SGO2: variants seen among roughly 807,000 people sequenced by gnomAD.
SGO2 encodes the protein shugoshin 2.
Under a neutral mutation model 99.5 loss-of-function variants are expected in SGO2, and 68 were observed. The observed-to-expected ratio is 0.68, with a 90% CI of 0.56 to 0.84. The LOEUF is 0.84. Among genes scored for constraint, SGO2 ranks in the 40% least tolerant of loss-of-function variants. The pLI, the probability that SGO2 is intolerant of heterozygous loss-of-function variation, is 0.00. For missense variants in SGO2, 1,350 were observed against 1,436.7 expected, an observed-to-expected ratio of 0.94 and a Z score of 0.97; for synonymous variants, 457 against 487.1, an observed-to-expected ratio of 0.94 and a Z score of 0.81.
At position 200,571,541 on chromosome 2, in the gene SGO2, A is replaced by G. The variant is rs746889452; in HGVS notation, c.1195A>G (p.Arg399Gly). Residue 399 changes from arginine (R) to glycine (G), a missense_variant, in exon 7 of 9, where the codon AGA (arginine) becomes GGA (glycine). Coordinates refer to ENST00000357799, the MANE Select transcript of SGO2 (RefSeq NM_152524.6). ...AAATGAACATGGAATGAAAACTTTC[A>G]GAAAAGTGAAAGATTCCAGCTCTGA... ...KTNEHGMKTF[R>G]KVKDSSSEKK... 17 of 1,612,548 alleles carry G rather than the reference A, an allele frequency of 1.1e-5. No homozygotes were observed. The highest frequency in any genetic ancestry group is 2.7e-5 in the African/African-American group (2 of 74,784).
chr2:200,542,803 G>A (rs2032025414), intron 5 of SGO2, 139 bp downstream of exon 5: 1 of 616,774 alleles, frequency 1.6e-6, no homozygotes, highest in Non-Finnish European at 2.6e-6. Context: ...GGTTTGTAGT[G>A]TCTTGCTATA....
chr2:200,572,747 G>A lies in SGO2; in HGVS notation c.2401G>A (p.Asp801Asn), dbSNP rs1429551334. ...GHDMQPACQN[D>N]SKIGKKPRLN... Reference sequence around the variant, plus strand: ...TGATATGCAACCTGCTTGTCAAAATGATTCAAAAATAGGTAAGAAGCCTAG... The same window carrying A: ...TGATATGCAACCTGCTTGTCAAAATAATTCAAAAATAGGTAAGAAGCCTAG... The change falls in exon 7 of 9, where the codon GAT (aspartate) becomes AAT (asparagine). Residue 801 changes from aspartate to asparagine, a missense_variant. By Grantham distance (23) the Asp-to-Asn change is conservative (BLOSUM62 1). Coordinates refer to ENST00000357799, the MANE Select transcript of SGO2 (RefSeq NM_152524.6). 6.2e-7 allele frequency: 1 copy of A among 1,612,608 alleles called. No homozygotes were observed. The highest frequency in any genetic ancestry group is 1.3e-5 in the African/African-American group (1 of 74,814).
At chr2:200,564,010 G>C (rs2033085499) in intron 5 of SGO2, among the ~76,000 whole-genome samples, 1 of 152,114 alleles carries the variant, frequency 6.6e-6, no homozygotes, top group African/African-American at 2.4e-5. Flanking sequence ...AAAAAAACCA[G>C]CTCCTGGATT....
chr2:200,579,701 T>C (rs1170445256), intron 8 of SGO2, among the ~76,000 whole-genome samples: 2 of 152,196 alleles, frequency 1.3e-5, no homozygotes, highest in Non-Finnish European at 2.9e-5. Flanking sequence ...TTTCCTGGAA[T>C]AAATCTCACT....
intron 5 of SGO2, among the ~76,000 whole-genome samples, chr2:200,562,600 A>G (rs992560103): frequency 3.9e-5 from 6 of 152,170 alleles, no homozygotes; most frequent in Admixed American, 1.3e-4. Flanking sequence ...GAAGGAAGTC[A>G]TTGGTAGCTT....
chr2:200,545,919 C>T (rs1409166423), intron 5 of SGO2, among the ~76,000 whole-genome samples: 1 of 152,162 alleles, frequency 6.6e-6, no homozygotes, highest in African/African-American at 2.4e-5. Context: ...GCTGGACTAC[C>T]ATCCCCAGCC....
Position 200,572,800 on chromosome 2 carries a change from A to G in SGO2, c.2454A>G (p.Ile818Met). ...PRLNVCQKSEIIPETNQIYEN... is the reference protein window; with the variant it reads ...PRLNVCQKSEMIPETNQIYEN... ...TAAATGTATGTCAAAAGTCAGAAATAATTCCTGAAACCAACCAAATATATG... is the reference window on the plus strand; with the variant it reads ...TAAATGTATGTCAAAAGTCAGAAATGATTCCTGAAACCAACCAAATATATG... Residue 818 changes from isoleucine to methionine, a missense_variant, in exon 7 of 9, where the codon ATA (isoleucine) becomes ATG (methionine). Transcript: ENST00000357799. The G allele has an allele frequency of 6.2e-7, 1 of 1,612,572 alleles. No homozygotes were observed. The highest frequency in any genetic ancestry group is 8.5e-7 in the Non-Finnish European group (1 of 1,179,274).
Position 200,569,422 on chromosome 2 carries a change from A to G in SGO2, c.474-241A>G, listed in dbSNP as rs534762653. Among the ~76,000 whole-genome samples, 14 of 152,232 alleles carry G rather than the reference A, an allele frequency of 9.2e-5. No homozygotes were observed. The South Asian group carries it at 2.9e-3, about 31-fold the overall frequency. On this transcript the variant is annotated intron_variant, in intron 5 of 8. Transcript: ENST00000357799. ...TTCTAATAGCACAAGAAGTAAATAT[A>G]TAAATTATCTTCTTTTGGGGCCACT...
intron 5 of SGO2, among the ~76,000 whole-genome samples, chr2:200,565,636 G>A (rs1243852987): frequency 6.6e-6 from 1 of 152,152 alleles, no homozygotes; most frequent in African/African-American, 2.4e-5. Context: ...AAGTTTTCCT[G>A]GATAATATCC....
intron 5 of SGO2, among the ~76,000 whole-genome samples, chr2:200,553,904 T>G (rs2032597673): frequency 6.6e-6 from 1 of 152,158 alleles, no homozygotes; most frequent in Admixed American, 6.6e-5. Context: ...TCAAGAAACC[T>G]GTACAGGGAT....
intron 1 of SGO2, chr2:200,532,432 C>T (rs1376576756): frequency 7.1e-6 from 7 of 985,004 alleles, no homozygotes; most frequent in Non-Finnish European, 8.4e-6. Context: ...TGCCCAGTCA[C>T]AGTTAATCGC....
At chr2:200,527,109 C>A (rs1056992732) in intron 1 of SGO2, among the ~76,000 whole-genome samples, 6 of 152,156 alleles carry the variant, frequency 3.9e-5, no homozygotes, top group Non-Finnish European at 8.8e-5. Context: ...TGGAACAGTA[C>A]CCCAAATGCC....
Position 200,571,438 on chromosome 2 carries a change from CATGG to C in SGO2, c.1095_1098del (p.Met365IlefsTer2). On this transcript the variant is annotated frameshift_variant, in exon 7 of 9. Transcript: ENST00000357799. LOFTEE classifies it high-confidence loss of function. ...TGCAGAAAACTGTGTATGATGCTGA[CATGG>C]ATTTAACTGCTAGTGAAGTCAGCAA... is the stretch of plus-strand genomic sequence containing the variant. 6.2e-7 allele frequency: 1 copy of C among 1,610,682 alleles called. No individual in the cohort carries two copies. Among genetic ancestry groups the C allele is most frequent in the Non-Finnish European group, 8.5e-7 (1 of 1,178,342 alleles).
chr2:200,545,507 G>T (rs1394428836), intron 5 of SGO2, among the ~76,000 whole-genome samples: 1 of 152,008 alleles, frequency 6.6e-6, no homozygotes, highest in African/African-American at 2.4e-5. Context: ...AAACGGCAGT[G>T]TAAGATAAGC....
chr2:200,539,420 T>G (rs993907384), intron 4 of SGO2, among the ~76,000 whole-genome samples: 2 of 152,094 alleles, frequency 1.3e-5, no homozygotes, highest in Non-Finnish European at 2.9e-5. Flanking sequence ...TATCTTAGGT[T>G]GTTGTGATTT....
At position 200,526,841 on chromosome 2, in the gene SGO2, C is replaced by T. The variant is rs1282699499; in HGVS notation, c.-3+589C>T. Among the ~76,000 whole-genome samples, 2 of 152,216 alleles carry T rather than the reference C, an allele frequency of 1.3e-5. No individual in the cohort carries two copies. Among genetic ancestry groups the T allele is most frequent in the East Asian group, 3.9e-4 (2 of 5,178 alleles). The stretch of plus-strand genomic sequence containing the variant: ...TGAGTATTTCGTATTTAGAGATAGT[C>T]GAGATGCTGGCCGGACAAGTGTCAC... On this transcript the variant is annotated intron_variant, in intron 1 of 8. Transcript: ENST00000357799. This position sits in a 1 kb window ranked among gnomAD's most constrained non-coding sequence, Gnocchi z 4.8.
chr2:200,550,990 GC>G (rs2032458589), intron 5 of SGO2, among the ~76,000 whole-genome samples: 1 of 98,316 alleles, frequency 1.0e-5, no homozygotes. Context: ...CAACTAAGTA[GC>G]AAAAAAAAAA....
At chr2:200,583,363 T>C in intron 8 of SGO2, 86 bp from the exon 9 acceptor site, 3 of 1,159,726 alleles carry the variant, frequency 2.6e-6, no homozygotes, top group South Asian at 1.7e-5. Flanking sequence ...TCTACTGATA[T>C]GATGAAACAA....
Position 200,534,840 on chromosome 2 carries a change from G to T in SGO2, c.134-156G>T, listed in dbSNP as rs567603947. 5.5e-4 allele frequency among the ~76,000 whole-genome samples: 84 copies of T among 152,016 alleles called. 1 individual carries two copies. Among genetic ancestry groups the T allele is most frequent in the African/African-American group, 2.0e-3 (83 of 41,466 alleles). ...TCATTTCCTCACCTCTAAACTCTGG[G>T]TTTATTTTTCTCAAAACTACATCTG... On this transcript the variant is annotated intron_variant, in intron 2 of 8. Transcript: ENST00000357799.
Sources: gnomAD v4.1 joint callset for allele counts (sites outside exome capture counted in the v4.1 genomes callset) on GRCh38, gnomAD v4.1.1 for gene constraint, Gnocchi (gnomAD v3.1) non-coding constraint, MANE v1.5 for transcripts, NCBI Gene and HGNC (gene_info 2026-07-23, HGNC 2026-07-21) for gene names.